The following SGCD variants were observed in gnomAD, a reference collection of about 807,000 sequenced individuals.
The protein encoded by SGCD is sarcoglycan delta.
A neutral mutation model predicts 36.6 loss-of-function variants in SGCD; 18 were observed. The observed-to-expected ratio is 0.49, with a 90% CI of 0.34 to 0.73. The LOEUF is 0.73. SGCD is among the 30% of genes least tolerant of loss of function. The pLI, the probability that SGCD is intolerant of heterozygous loss-of-function variation, is 0.01. For missense variants in SGCD, 387 were observed against 346.7 expected (o/e 1.12, Z -0.92); for synonymous variants, 133 against 130.6 (o/e 1.02, Z -0.12).
chr5:156,043,958 TA>T (rs1420434328), intron 1 of SGCD, among the ~76,000 whole-genome samples: 3 of 152,110 alleles, frequency 2.0e-5, no homozygotes, highest in Non-Finnish European at 4.4e-5. Flanking sequence ...AGAATTTTTT[TA>T]AAAGACTCTA....
chr5:156,733,960 A>G (rs1395380919), intron 7 of SGCD, among the ~76,000 whole-genome samples: 2 of 152,040 alleles, frequency 1.3e-5, no homozygotes, highest in African/African-American at 4.8e-5. Flanking sequence ...TGATCCTCTC[A>G]TCATGATCTT....
Position 156,759,402 on chromosome 5 carries a change from T to C in SGCD, c.*12T>C. The C allele has an allele frequency of 1.3e-6, 2 of 1,581,734 alleles. No homozygotes were observed. Among genetic ancestry groups the C allele is most frequent in the Non-Finnish European group, 1.7e-6 (2 of 1,159,354 alleles). On this transcript the variant is annotated 3_prime_UTR_variant, in exon 9 of 9. Coordinates refer to ENST00000337851, the MANE Select transcript of SGCD (RefSeq NM_000337.6). The stretch of plus-strand genomic sequence containing the variant: ...GTGTCTGCCTCTGAAAGACTATCCA[T>C]AGTGGACATTGTTGGCAGCATAAAG...
chr5:155,853,725 C>A, the SGCD span, among the ~76,000 whole-genome samples: 2 of 152,160 alleles, frequency 1.3e-5, no homozygotes, highest in African/African-American at 4.8e-5. Context: ...CAATATATGT[C>A]ATTATAGTAA....
At chr5:156,406,086 G>C (rs1772388331) in intron 3 of SGCD, among the ~76,000 whole-genome samples, 1 of 149,662 alleles carries the variant, frequency 6.7e-6, no homozygotes, top group Admixed American at 6.8e-5. Context: ...TTTAGCAGCA[G>C]CTGGTCCGTG....
intron 3 of SGCD, among the ~76,000 whole-genome samples, chr5:156,502,756 TG>T (rs759386086): frequency 7.2e-5 from 11 of 152,218 alleles, no homozygotes; most frequent in Non-Finnish European, 1.5e-4. Context: ...AAAGATGAAA[TG>T]TTTTTTAATA....
chr5:155,848,284 A>C, the SGCD span, among the ~76,000 whole-genome samples: 1 of 152,202 alleles, frequency 6.6e-6, no homozygotes, highest in Non-Finnish European at 1.5e-5. Flanking sequence ...CCTACAGGCC[A>C]CATGGACTTT....
chr5:155,863,534 T>A, the SGCD span, among the ~76,000 whole-genome samples: 1 of 151,332 alleles, frequency 6.6e-6, no homozygotes, highest in Non-Finnish European at 1.5e-5. Context: ...GCTTTTGCTT[T>A]CCCTGCTGGG....
At chr5:156,718,180 CA>C (rs1755311745) in intron 7 of SGCD, among the ~76,000 whole-genome samples, 2 of 152,104 alleles carry the variant, frequency 1.3e-5, no homozygotes, top group South Asian at 4.1e-4. Flanking sequence ...TCCTAAATTC[CA>C]TGCCATGTTC....
At chr5:156,016,426 A>G (rs990788931) in intron 1 of SGCD, among the ~76,000 whole-genome samples, 1 of 152,150 alleles carries the variant, frequency 6.6e-6, no homozygotes, top group Admixed American at 6.5e-5. Context: ...TGGCATACAT[A>G]GAATATTAAC....
chr5:155,973,097 G>A (rs2127560238), intron 1 of SGCD, among the ~76,000 whole-genome samples: 1 of 152,182 alleles, frequency 6.6e-6, no homozygotes, highest in African/African-American at 2.4e-5. Flanking sequence ...TTACCGCAAG[G>A]CAAAGAATGT....
At chr5:156,574,756 GTA>G (rs1270307368) in intron 4 of SGCD, among the ~76,000 whole-genome samples, 1 of 152,110 alleles carries the variant, frequency 6.6e-6, no homozygotes, top group Non-Finnish European at 1.5e-5. Context: ...CAGTCTCTAT[GTA>G]GTTGTTTTTC....
At chr5:156,393,906 G>T in intron 3 of SGCD, 1 of 446,104 alleles carries the variant, frequency 2.2e-6, no homozygotes, top group South Asian at 1.6e-5. Context: ...ACAAATGTTG[G>T]TCGTTGACAC....
chr5:156,003,355 A>G (rs1758699303), intron 1 of SGCD, among the ~76,000 whole-genome samples: 1 of 152,216 alleles, frequency 6.6e-6, no homozygotes, highest in African/African-American at 2.4e-5. Flanking sequence ...TATTGAATGG[A>G]CAAAGAATTG....
At chr5:155,936,559 G>A (rs2113401145) in intron 1 of SGCD, among the ~76,000 whole-genome samples, 1 of 152,254 alleles carries the variant, frequency 6.6e-6, no homozygotes, top group South Asian at 2.1e-4. Context: ...GGCTAGGTCT[G>A]GAATTTTCAT....
chr5:156,749,582 A>G (rs910983758), intron 7 of SGCD, among the ~76,000 whole-genome samples: 6 of 152,210 alleles, frequency 3.9e-5, no homozygotes, highest in African/African-American at 1.4e-4. Context: ...CGCAGGGGGC[A>G]TCTTATTTTT....
chr5:156,375,702 T>C (rs1170477352), intron 3 of SGCD, among the ~76,000 whole-genome samples: 1 of 152,162 alleles, frequency 6.6e-6, no homozygotes, highest in Non-Finnish European at 1.5e-5. Flanking sequence ...TGTACAAGAG[T>C]GCATTGGCTT....
At chr5:156,383,744 A>G (rs1375280890) in intron 3 of SGCD, among the ~76,000 whole-genome samples, 1 of 152,184 alleles carries the variant, frequency 6.6e-6, no homozygotes, top group Non-Finnish European at 1.5e-5. Context: ...TTCACATTAG[A>G]AACTTACATG....
the SGCD span, among the ~76,000 whole-genome samples, chr5:155,809,458 G>A: frequency 2.0e-5 from 3 of 152,214 alleles, no homozygotes; most frequent in Admixed American, 2.0e-4. Flanking sequence ...TATGTCGCCA[G>A]CTTTTTTAAA....
the SGCD span, among the ~76,000 whole-genome samples, chr5:155,748,723 A>G: frequency 6.6e-6 from 1 of 152,224 alleles, no homozygotes; most frequent in African/African-American, 2.4e-5. Flanking sequence ...GTCATTGTCC[A>G]TCATGGCCCA....
Sources: gnomAD v4.1 joint callset for allele counts (sites outside exome capture counted in the v4.1 genomes callset) on GRCh38, gnomAD v4.1.1 for gene constraint, MANE v1.5 for transcripts, NCBI Gene and HGNC (gene_info 2026-07-23, HGNC 2026-07-21) for gene names.